CSGALNACT1: variants seen among roughly 807,000 people sequenced by gnomAD.
CSGALNACT1 encodes the protein beta4GalNAcT-1.
CSGALNACT1 carries 52 observed loss-of-function variants against 51.0 expected under a neutral mutation model. The observed-to-expected ratio is 1.02, with a 90% CI of 0.82 to 1.29. The LOEUF is 1.29. Among genes scored for constraint, CSGALNACT1 ranks in the 50% most tolerant of loss-of-function variants. CSGALNACT1 has a pLI of 0.00. For synonymous variants in CSGALNACT1, 341 were observed against 254.4 expected (o/e 1.34, Z -3.24); for missense variants, 935 against 679.2 (o/e 1.38, Z -4.19).
rs114684014 is a variant in CSGALNACT1, at chr8:19,696,282, A to G, written c.-297+61568T>C. On this transcript the variant is annotated intron_variant, in intron 1 of 1. Transcript: ENST00000517494. ...AATTTGCCTCAAACACCACTGTAGC[A>G]TCTTACAGTAAAGCAAGATAATGTG... 3.9e-3 allele frequency among the ~76,000 whole-genome samples: 591 copies of G among 152,348 alleles called. 3 individuals are homozygous for G. Among genetic ancestry groups the G allele is most frequent in the Middle Eastern group, 0.02 (6 of 294 alleles).
At chr8:19,610,584 G>A (rs532132684) in intron 1 of CSGALNACT1, among the ~76,000 whole-genome samples, 2 of 152,214 alleles carry the variant, frequency 1.3e-5, no homozygotes, top group East Asian at 3.9e-4. Flanking sequence ...ACCGGCAGGC[G>A]CCAGCAGGCC....
At chr8:19,454,846 C>G (rs1366194962) in intron 5 of CSGALNACT1, among the ~76,000 whole-genome samples, 1 of 151,948 alleles carries the variant, frequency 6.6e-6, no homozygotes, top group Non-Finnish European at 1.5e-5. Context: ...TTTTTAACTT[C>G]AGCGAGATCT....
chr8:19,528,017 CA>C (rs1735557856), intron 3 of CSGALNACT1, among the ~76,000 whole-genome samples: 1 of 152,072 alleles, frequency 6.6e-6, no homozygotes, highest in South Asian at 2.1e-4. Context: ...CAACATCAAA[CA>C]GCCAGGAAGA....
intron 9 of CSGALNACT1, among the ~76,000 whole-genome samples, chr8:19,406,369 G>T (rs1406109189): frequency 6.6e-6 from 1 of 151,852 alleles, no homozygotes; most frequent in Non-Finnish European, 1.5e-5. Context: ...CAGCCTCGTG[G>T]TTAATGGGTA....
At chr8:19,556,389 A>G (rs1042681114) in intron 3 of CSGALNACT1, among the ~76,000 whole-genome samples, 1 of 152,150 alleles carries the variant, frequency 6.6e-6, no homozygotes. Context: ...CAAAAGAAAA[A>G]AAAAAAAAAG....
At chr8:19,455,804 C>T (rs940437783) in intron 5 of CSGALNACT1, among the ~76,000 whole-genome samples, 10 of 152,326 alleles carry the variant, frequency 6.6e-5, no homozygotes, top group African/African-American at 1.4e-4. Context: ...TCTGCCACAG[C>T]GCCTGGCTCT....
chr8:19,724,911 A>G (rs189713291), intron 1 of CSGALNACT1, among the ~76,000 whole-genome samples: 1 of 152,228 alleles, frequency 6.6e-6, no homozygotes, highest in East Asian at 1.9e-4. Flanking sequence ...TTGGCTGGTG[A>G]TGGATGACTA....
At chr8:19,533,291 AT>A (rs1490148203) in intron 3 of CSGALNACT1, among the ~76,000 whole-genome samples, 1 of 151,242 alleles carries the variant, frequency 6.6e-6, no homozygotes, top group Non-Finnish European at 1.5e-5. Flanking sequence ...TAATTTTTTT[AT>A]TTTTATTTTT....
At chr8:19,477,445 G>C (rs1294310722) in intron 4 of CSGALNACT1, among the ~76,000 whole-genome samples, 1 of 152,202 alleles carries the variant, frequency 6.6e-6, no homozygotes, top group East Asian at 1.9e-4. Context: ...CTCTTACTTT[G>C]GCCATAAAAT....
chr8:19,614,066 T>A (rs936654262), intron 1 of CSGALNACT1, among the ~76,000 whole-genome samples: 1 of 152,224 alleles, frequency 6.6e-6, no homozygotes, highest in Non-Finnish European at 1.5e-5. Context: ...GCCTTTAATC[T>A]ACTAAAAGAA....
rs1225051088 is a variant in CSGALNACT1 at position 19,757,186 on chromosome 8, C to A, written c.-297+664G>T. The stretch of plus-strand genomic sequence containing the variant: ...TGGCCCGGGAGGGGACCCGACTCAC[C>A]CGAAGCGCCCTGCTAGCTGCCCGGC... On this transcript the variant is annotated intron_variant, in intron 1 of 1. Transcript: ENST00000517494. This position sits in a 1 kb window ranked among gnomAD's most constrained non-coding sequence, Gnocchi z 4.0. 3.3e-5 allele frequency: 5 copies of A among 149,904 alleles called. No individual in the cohort carries two copies. The highest frequency in any genetic ancestry group is 1.2e-4 in the African/African-American group (5 of 41,332). 9.3% of individuals were successfully genotyped at this position (149,904 alleles called of 1,614,324 possible).
chr8:19,583,428 T>A (rs1031632254), intron 3 of CSGALNACT1, among the ~76,000 whole-genome samples: 6 of 152,164 alleles, frequency 3.9e-5, no homozygotes, highest in African/African-American at 1.4e-4. Context: ...TGGGAATGTC[T>A]TGAGAAGAAA....
intron 1 of CSGALNACT1, among the ~76,000 whole-genome samples, chr8:19,723,928 T>A (rs947231589): frequency 1.3e-5 from 2 of 152,194 alleles, no homozygotes; most frequent in Non-Finnish European, 2.9e-5. Context: ...GAAACTTTTT[T>A]CAATCAATAG....
intron 8 of CSGALNACT1, among the ~76,000 whole-genome samples, chr8:19,413,570 A>G (rs1354174928): frequency 6.6e-6 from 1 of 152,186 alleles, no homozygotes; most frequent in Non-Finnish European, 1.5e-5. Flanking sequence ...GATGCATAGG[A>G]TGTGCCATGC....
At chr8:19,573,921 C>T (rs2043587258) in intron 3 of CSGALNACT1, among the ~76,000 whole-genome samples, 1 of 152,224 alleles carries the variant, frequency 6.6e-6, no homozygotes, top group Non-Finnish European at 1.5e-5. Flanking sequence ...TTGGGCCTGG[C>T]AGATACTTAT....
chr8:19,609,221 C>G (rs2051837054), intron 1 of CSGALNACT1, among the ~76,000 whole-genome samples: 1 of 150,068 alleles, frequency 6.7e-6, no homozygotes, highest in Non-Finnish European at 1.5e-5. Flanking sequence ...GAAAACAATT[C>G]TAATCTCAAG....
At chr8:19,484,451 G>C (rs185839567) in intron 4 of CSGALNACT1, among the ~76,000 whole-genome samples, 1 of 152,206 alleles carries the variant, frequency 6.6e-6, no homozygotes, top group African/African-American at 2.4e-5. Flanking sequence ...ATAAAGGAAA[G>C]AGGTTTAATG....
chr8:19,669,216 G>A (rs2154196698), intron 1 of CSGALNACT1, among the ~76,000 whole-genome samples: 1 of 152,190 alleles, frequency 6.6e-6, no homozygotes, highest in East Asian at 1.9e-4. Context: ...ATTTGCAAAT[G>A]CAAGCACTAG....
intron 3 of CSGALNACT1, among the ~76,000 whole-genome samples, chr8:19,525,568 G>C (rs989564869): frequency 7.3e-5 from 9 of 122,776 alleles, no homozygotes; most frequent in African/African-American, 2.8e-4. Context: ...AGTGAGCTGA[G>C]ATCATGCCAC....
Sources: gnomAD v4.1 joint callset for allele counts (sites outside exome capture counted in the v4.1 genomes callset) on GRCh38, gnomAD v4.1.1 for gene constraint, Gnocchi (gnomAD v3.1) non-coding constraint, MANE v1.5 for transcripts, NCBI Gene and HGNC (gene_info 2026-07-23, HGNC 2026-07-21) for gene names.